ZNF462: variants seen among roughly 807,000 people sequenced by gnomAD.
The protein encoded by ZNF462 is zinc finger protein 462, also known as zinc finger PBX1-interacting protein.
Under a neutral mutation model 201.9 loss-of-function variants are expected in ZNF462, and 10 were observed. The observed-to-expected ratio is 0.05, with a 90% CI of 0.03 to 0.08. The LOEUF (loss-of-function observed/expected upper bound fraction) is 0.08, where lower values mean the gene tolerates loss of function less well. Among genes scored for constraint, ZNF462 ranks in the 10% least tolerant of loss-of-function variants. ZNF462 has a pLI of 1.00. For missense variants in ZNF462, 2,523 were observed against 3,168.3 expected, an observed-to-expected ratio of 0.80 and a Z score of 4.89; for synonymous variants, 1,227 against 1,193.3, an observed-to-expected ratio of 1.03 and a Z score of -0.58.
intron 7 of ZNF462, among the ~76,000 whole-genome samples, chr9:106,961,167 A>G (rs950514169): frequency 1.2e-4 from 19 of 152,068 alleles, no homozygotes; most frequent in African/African-American, 4.6e-4. Context: ...ATCGATGCCT[A>G]CTGATGGGTG....
At chr9:106,987,419 G>GA (rs1295012211) in intron 10 of ZNF462, among the ~76,000 whole-genome samples, 1 of 152,166 alleles carries the variant, frequency 6.6e-6, no homozygotes, top group Non-Finnish European at 1.5e-5. Flanking sequence ...GATCATTAGT[G>GA]ATGCTGAGCA....
intron 1 of ZNF462, among the ~76,000 whole-genome samples, chr9:106,863,762 G>C (rs972289172): frequency 6.6e-6 from 1 of 151,254 alleles, no homozygotes; most frequent in Non-Finnish European, 1.5e-5. Flanking sequence ...AGATGAGTGA[G>C]AAGAGAGCTG....
chr9:106,913,051 C>T lies in ZNF462; in HGVS notation c.-30-10303C>T, dbSNP rs1050040121. 1.3e-5 allele frequency among the ~76,000 whole-genome samples: 2 copies of T among 152,164 alleles called. No individual in the cohort carries two copies. The highest frequency in any genetic ancestry group is 2.9e-5 in the Non-Finnish European group (2 of 68,032). ...AGTCAGGTGATGACTCCAGGTGTCA[C>T]ATCAGTTCAGGGTAGCTTAGCGGTG... On this transcript the variant is annotated intron_variant, in intron 1 of 12. Transcript: ENST00000277225. This position sits in a 1 kb window ranked among gnomAD's most constrained non-coding sequence, Gnocchi z 4.1.
At position 106,974,307 on chromosome 9, in the gene ZNF462, C is replaced by T. The variant is rs571696251; in HGVS notation, c.6832+34C>T. On this transcript the variant is annotated intron_variant, in intron 9 of 12. Coordinates refer to ENST00000277225, the MANE Select transcript of ZNF462 (RefSeq NM_021224.6). The surrounding 1 kb of genome is among the most constrained non-coding windows in gnomAD (Gnocchi z 4.0). ...TCTAACTTGGTTTTCTTGGATGCAGCGGGGGGCAGGCAGCAGAGATGGCCT... is the reference window on the plus strand; with the variant it reads ...TCTAACTTGGTTTTCTTGGATGCAGTGGGGGGCAGGCAGCAGAGATGGCCT... 1.1e-5 allele frequency: 18 copies of T among 1,613,678 alleles called. No homozygotes were observed. In the South Asian group the frequency reaches 1.2e-4, roughly 11 times the overall value.
Position 106,924,608 on chromosome 9 carries a change from G to A in ZNF462, c.696G>A (p.Met232Ile). 1 of 1,614,142 alleles carries A rather than the reference G, an allele frequency of 6.2e-7. No homozygotes were observed. The highest frequency in any genetic ancestry group is 8.5e-7 in the Non-Finnish European group (1 of 1,180,026). ...EVVERSILES[M>I]VKPLTKSRGN... is the part of the protein sequence containing the mutation. ...TGGAGCGCAGCATCTTAGAGTCTAT[G>A]GTCAAGCCTTTGACCAAATCTCGAG... The change falls in exon 3 of 13, where the codon ATG becomes ATA. Residue 232 changes from methionine to isoleucine, a missense_variant. Met to Ile is a conservative substitution (Grantham distance 10, BLOSUM62 1). Coordinates refer to ENST00000277225, the MANE Select transcript of ZNF462 (RefSeq NM_021224.6). The surrounding 1 kb of genome is among the most constrained non-coding windows in gnomAD (Gnocchi z 6.2).
rs377746677 is a variant in ZNF462, at chr9:106,929,451, C to T, written c.5539C>T (p.Arg1847Cys). 6.8e-6 allele frequency: 11 copies of T among 1,613,930 alleles called. No homozygotes were observed. Among genetic ancestry groups the T allele is most frequent in the African/African-American group, 2.7e-5 (2 of 74,902 alleles). ...EAQEIEWLPF[R>C]CIKCFKLSFS... Reference sequence around the variant, plus strand: ...TCAGGAAATCGAGTGGCTCCCATTCCGCTGCATCAAATGCTTCAAGCTGTC... The same window carrying T: ...TCAGGAAATCGAGTGGCTCCCATTCTGCTGCATCAAATGCTTCAAGCTGTC... The change falls in exon 3 of 13, where the codon CGC becomes TGC. Residue 1847 changes from arginine (R) to cysteine (C), a missense_variant. Arg to Cys is a radical substitution (Grantham distance 180, BLOSUM62 -3). Coordinates refer to ENST00000277225, the MANE Select transcript of ZNF462 (RefSeq NM_021224.6). This position sits in a 1 kb window ranked among gnomAD's most constrained non-coding sequence, Gnocchi z 8.7.
At position 106,926,968 on chromosome 9, in the gene ZNF462, A is replaced by G; in HGVS notation, c.3056A>G (p.Gln1019Arg). ...PKTFTPECENQKDPLVNTVVV... is the reference protein window; with the variant it reads ...PKTFTPECENRKDPLVNTVVV... Reference sequence around the variant, plus strand: ...ACCTTTACTCCTGAATGTGAAAATCAGAAGGACCCTTTGGTCAACACTGTT... The same window carrying G: ...ACCTTTACTCCTGAATGTGAAAATCGGAAGGACCCTTTGGTCAACACTGTT... Residue 1019 changes from glutamine to arginine, a missense_variant, in exon 3 of 13, where the codon CAG becomes CGG. Physicochemically the swap from Gln to Arg is conservative, Grantham distance 43. Around this residue, in one of 15 missense-constraint regions of ZNF462, gnomAD observed 280 missense variants for 321.3 expected, o/e 0.87. Coordinates refer to ENST00000277225, the MANE Select transcript of ZNF462 (RefSeq NM_021224.6). The surrounding 1 kb of genome is among the most constrained non-coding windows in gnomAD (Gnocchi z 7.9). 1 of 1,614,220 alleles carries G rather than the reference A, an allele frequency of 6.2e-7. No homozygotes were observed. Among genetic ancestry groups the G allele is most frequent in the East Asian group, 2.2e-5 (1 of 44,878 alleles).
chr9:107,003,443 C>T lies in ZNF462; in HGVS notation c.7189+17C>T, dbSNP rs766910484. Reference sequence around the variant, plus strand: ...AAGACAGAGGTTAGTCTCATCCTGCCCTCCCAATCCCAGATGGCATCTGGC... The same window carrying T: ...AAGACAGAGGTTAGTCTCATCCTGCTCTCCCAATCCCAGATGGCATCTGGC... On this transcript the variant is annotated intron_variant, in intron 11 of 12. Coordinates refer to ENST00000277225, the MANE Select transcript of ZNF462 (RefSeq NM_021224.6). The surrounding 1 kb of genome is among the most constrained non-coding windows in gnomAD (Gnocchi z 4.4). The T allele has an allele frequency of 1.9e-6, 3 of 1,611,672 alleles. No individual in the cohort carries two copies. Among genetic ancestry groups the T allele is most frequent in the East Asian group, 4.5e-5 (2 of 44,730 alleles).
At chr9:107,004,808 G>A (rs1327909748) in intron 11 of ZNF462, among the ~76,000 whole-genome samples, 1 of 151,988 alleles carries the variant, frequency 6.6e-6, no homozygotes, top group Non-Finnish European at 1.5e-5. Flanking sequence ...TTGTACAATA[G>A]ATCTCTTGAG....
chr9:106,941,023 C>A (rs1394115945), intron 7 of ZNF462, among the ~76,000 whole-genome samples: 1 of 152,170 alleles, frequency 6.6e-6, no homozygotes, highest in Non-Finnish European at 1.5e-5. Flanking sequence ...AGTGCCATTG[C>A]TAGCAAAGGC....
rs1188218347 is a variant in ZNF462, at chr9:106,929,768, A to G, written c.5847+9A>G. 6.3e-7 allele frequency: 1 copy of G among 1,599,842 alleles called. No individual in the cohort carries two copies. The highest frequency in any genetic ancestry group is 1.7e-5 in the Admixed American group (1 of 59,072). On this transcript the variant is annotated intron_variant, in intron 3 of 12. Transcript: ENST00000277225. The surrounding 1 kb of genome is among the most constrained non-coding windows in gnomAD (Gnocchi z 8.7). ...ATTTCAAACAAGAGAGGGTAAGGAT[A>G]TGTTTTGATTTCCCTTCCCCCAGGA... is the stretch of plus-strand genomic sequence containing the variant.
intron 1 of ZNF462, among the ~76,000 whole-genome samples, chr9:106,892,771 C>T (rs908854651): frequency 2.0e-5 from 3 of 152,070 alleles, no homozygotes; most frequent in Non-Finnish European, 4.4e-5. Flanking sequence ...AGAAATAGGC[C>T]TGTTTCCTCC....
intron 1 of ZNF462, among the ~76,000 whole-genome samples, chr9:106,877,096 C>T (rs1047768877): frequency 3.3e-5 from 5 of 151,918 alleles, no homozygotes; most frequent in African/African-American, 4.8e-5. Flanking sequence ...ATGTAGAAAA[C>T]GTGGAATGGT....
In ZNF462 at chr9:106,952,273, C is replaced by T. The variant is rs142069451; in HGVS notation, c.6427+13166C>T. ...TTTCTAATATGCAAAATAATGATGC[C>T]GACTTTATGGGGTTATTTCAAGGAT... is the stretch of plus-strand genomic sequence containing the variant. On this transcript the variant is annotated intron_variant, in intron 7 of 12. Transcript: ENST00000277225. Among the ~76,000 whole-genome samples the T allele has an allele frequency of 5.0e-3, 767 of 152,094 alleles. 8 individuals are homozygous for T. Among genetic ancestry groups the T allele is most frequent in the African/African-American group, 0.017 (724 of 41,470 alleles).
At position 107,009,498 on chromosome 9, in the gene ZNF462, G is replaced by C. The variant is rs1829795418; in HGVS notation, c.7190-47G>C. 9 of 1,610,928 alleles carry C rather than the reference G, an allele frequency of 5.6e-6. No individual in the cohort carries two copies. The East Asian group carries it at 2.0e-4, about 36-fold the overall frequency. ...TAATGAATGCTGACTTACCTATTCT[G>C]CTGATTCCCACAGCACACAGGTAAC... On this transcript the variant is annotated intron_variant, in intron 11 of 12. Coordinates refer to ENST00000277225, the MANE Select transcript of ZNF462 (RefSeq NM_021224.6). The surrounding 1 kb of genome is among the most constrained non-coding windows in gnomAD (Gnocchi z 6.1).
chr9:106,924,005 A>G lies in ZNF462; in HGVS notation c.221-128A>G, dbSNP rs1830088925. 1 of 772,926 alleles carries G rather than the reference A, an allele frequency of 1.3e-6. No individual in the cohort carries two copies. The highest frequency in any genetic ancestry group is 2.0e-6 in the Non-Finnish European group (1 of 490,926). 47.9% of individuals were successfully genotyped at this position (772,926 alleles called of 1,614,324 possible). On this transcript the variant is annotated intron_variant, in intron 2 of 12. Transcript: ENST00000277225. This position sits in a 1 kb window ranked among gnomAD's most constrained non-coding sequence, Gnocchi z 6.2. ...CTTTGTGAATACTCTTCAAGGCCTC[A>G]TCTTGAGACTTCAGGCCTTTTGCAT...
At position 106,927,110 on chromosome 9, in the gene ZNF462, T is replaced by C. The variant is rs1175861479; in HGVS notation, c.3198T>C (p.Thr1066=). The C allele has an allele frequency of 1.9e-6, 3 of 1,614,014 alleles. No homozygotes were observed. The highest frequency in any genetic ancestry group is 2.5e-6 in the Non-Finnish European group (3 of 1,180,032). Residue 1066 remains threonine (T), a synonymous_variant, in exon 3 of 13, where the codon ACT becomes ACC. Coordinates refer to ENST00000277225, the MANE Select transcript of ZNF462 (RefSeq NM_021224.6). ...CTTCCTACTTTAGGATCCAGAAAAC[T>C]ATGCGAATGGTGTCTGTGGACAGGG... ...EKASYFRIQK[T]MRMVSVDRGS...
Position 106,925,394 on chromosome 9 carries a change from T to A in ZNF462, c.1482T>A (p.Gly494=). ...GGGCTCACAAACAGTGTCACACGGG[T>A]ACAACGTCAGATTGGGATGCTGTGA... ...KLGAHKQCHT[G]TTSDWDAVNS... is the part of the protein sequence containing the mutation. The change falls in exon 3 of 13, where the codon GGT becomes GGA. Residue 494 remains glycine (G), a synonymous_variant. Transcript: ENST00000277225. This position sits in a 1 kb window ranked among gnomAD's most constrained non-coding sequence, Gnocchi z 7.9. 6.2e-7 allele frequency: 1 copy of A among 1,614,168 alleles called. No individual in the cohort carries two copies. Among genetic ancestry groups the A allele is most frequent in the Non-Finnish European group, 8.5e-7 (1 of 1,180,050 alleles).
intron 7 of ZNF462, among the ~76,000 whole-genome samples, chr9:106,961,710 T>C (rs1197943100): frequency 2.0e-5 from 3 of 151,930 alleles, no homozygotes; most frequent in African/African-American, 4.8e-5. Flanking sequence ...GATCATAGTC[T>C]GGTAGGGGTA....
Sources: allele counts gnomAD v4.1 joint callset (sites outside exome capture counted in the v4.1 genomes callset), GRCh38; gene constraint gnomAD v4.1.1; regional missense constraint gnomAD v4.1.1; non-coding constraint Gnocchi (gnomAD v3.1); transcripts MANE v1.5; gene names NCBI Gene and HGNC (gene_info 2026-07-23, HGNC 2026-07-21).